The following ZNRF3 variants were observed in gnomAD, a reference collection of about 807,000 sequenced individuals.
ZNRF3 encodes the protein zinc and ring finger 3.
A neutral mutation model predicts 72.5 loss-of-function variants in ZNRF3; 23 were observed. The ratio of observed to expected loss-of-function variants is 0.32; its 90% CI spans 0.23 to 0.45. The LOEUF (loss-of-function observed/expected upper bound fraction) is 0.45. Among genes scored for constraint, ZNRF3 ranks in the 20% least tolerant of loss-of-function variants. The pLI, the probability that ZNRF3 is intolerant of heterozygous loss-of-function variation, is 1.00. For missense variants in ZNRF3, 1,169 were observed against 1,272.1 expected (o/e 0.92, Z 1.23); for synonymous variants, 610 against 545.3 (o/e 1.12, Z -1.65).
chr22:28,963,960 G>A (rs1430312637), intron 1 of ZNRF3, among the ~76,000 whole-genome samples: 1 of 152,108 alleles, frequency 6.6e-6, no homozygotes, highest in African/African-American at 2.4e-5. Flanking sequence ...AAAGAAAGAA[G>A]AAGATCCTGT....
chr22:29,006,051 T>G (rs527367723), intron 2 of ZNRF3, among the ~76,000 whole-genome samples: 4 of 151,358 alleles, frequency 2.6e-5, no homozygotes, highest in African/African-American at 9.7e-5. Context: ...AAAAAAAGAC[T>G]GTCCTCTGAA....
At chr22:28,905,145 C>T (rs1212624226) in intron 1 of ZNRF3, among the ~76,000 whole-genome samples, 1 of 151,972 alleles carries the variant, frequency 6.6e-6, no homozygotes, top group Non-Finnish European at 1.5e-5. Flanking sequence ...CTTTGTTGCC[C>T]AGGTTGATCT....
chr22:29,039,712 C>T (rs776711756), intron 2 of ZNRF3, among the ~76,000 whole-genome samples: 25 of 145,518 alleles, frequency 1.7e-4, no homozygotes, highest in Non-Finnish European at 2.8e-4. Flanking sequence ...TTTGGGAGGC[C>T]GGAATGGGAG....
intron 1 of ZNRF3, among the ~76,000 whole-genome samples, chr22:28,910,256 G>T (rs545216821): frequency 1.3e-5 from 2 of 152,080 alleles, no homozygotes; most frequent in African/African-American, 2.4e-5. Context: ...GACCAGATTG[G>T]TCTCGAACTC....
At chr22:28,977,192 G>C (rs2035690863) in intron 1 of ZNRF3, among the ~76,000 whole-genome samples, 1 of 152,146 alleles carries the variant, frequency 6.6e-6, no homozygotes, top group African/African-American at 2.4e-5. Context: ...GTCCTCAGCC[G>C]AGAGAACTCC....
intron 2 of ZNRF3, chr22:29,018,080 G>A (rs952532218): frequency 1.9e-6 from 1 of 518,574 alleles, no homozygotes; most frequent in Non-Finnish European, 3.9e-6. Context: ...AGTGTGGGAG[G>A]GGAGGGCGGA....
rs140716362 is a variant in ZNRF3, at chr22:29,000,335, G to A, written c.426+13134G>A. ...CCTGTTGCTAGAGGTTTTCACAAAT[G>A]TATCAATTCACAAAAGAACCTCAGA... On this transcript the variant is annotated intron_variant, in intron 2 of 8. Coordinates refer to ENST00000544604, the MANE Select transcript of ZNRF3 (RefSeq NM_001206998.2). Among the ~76,000 whole-genome samples the A allele has an allele frequency of 3.6e-4, 55 of 152,258 alleles. No individual in the cohort carries two copies. In the East Asian group the frequency reaches 8.5e-3, roughly 24 times the overall value.
At chr22:29,043,148 T>C (rs1238886627) in intron 3 of ZNRF3, 151 bp from the exon 4 acceptor site, 1 of 839,292 alleles carries the variant, frequency 1.2e-6, no homozygotes, top group African/African-American at 1.7e-5. Context: ...ATTCTCAGCC[T>C]TGCTCTTCTG....
chr22:28,902,548 T>G (rs2034128626), intron 1 of ZNRF3, among the ~76,000 whole-genome samples: 1 of 152,252 alleles, frequency 6.6e-6, no homozygotes. Context: ...TTTTTGTATT[T>G]TTCACCAGGT....
Position 29,049,941 on chromosome 22 carries a change from G to A in ZNRF3, c.1760G>A (p.Arg587His). 2 of 1,610,686 alleles carry A rather than the reference G, an allele frequency of 1.2e-6. No individual in the cohort carries two copies. The highest frequency in any genetic ancestry group is 1.7e-6 in the Non-Finnish European group (2 of 1,178,942). ...QGVYGSCSTF[R>H]SSLSSDYDPF... ...GTGTACGGGAGCTGCTCCACCTTCCGCAGCTCCCTCAGCAGCGACTATGAC... is the reference window on the plus strand; with the variant it reads ...GTGTACGGGAGCTGCTCCACCTTCCACAGCTCCCTCAGCAGCGACTATGAC... Residue 587 changes from arginine (R) to histidine (H), a missense_variant, in exon 8 of 9, where the codon CGC becomes CAC. Physicochemically the swap from Arg to His is conservative, Grantham distance 29. This residue lies in a region of ZNRF3 where 783 missense variants were observed against 731.4 expected (regional missense o/e 1.07). Coordinates refer to ENST00000544604, the MANE Select transcript of ZNRF3 (RefSeq NM_001206998.2). The surrounding 1 kb of genome is among the most constrained non-coding windows in gnomAD (Gnocchi z 5.2).
In ZNRF3 at chr22:29,048,433, C is replaced by T. The variant is rs752839337; in HGVS notation, c.957C>T (p.Cys319=). Residue 319 remains cysteine (C), a synonymous_variant, in exon 7 of 9, where the codon TGC becomes TGT. Coordinates refer to ENST00000544604, the MANE Select transcript of ZNRF3 (RefSeq NM_001206998.2). The surrounding 1 kb of genome is among the most constrained non-coding windows in gnomAD (Gnocchi z 4.9). ...IPCTHRFHRK[C]VDPWLLQHHT... ...GTACTCACCGGTTTCACAGGAAGTGCGTGGACCCCTGGCTGCTGCAGCACC... is the reference window on the plus strand; with the variant it reads ...GTACTCACCGGTTTCACAGGAAGTGTGTGGACCCCTGGCTGCTGCAGCACC... 1.3e-5 allele frequency: 21 copies of T among 1,614,040 alleles called. No individual in the cohort carries two copies. The highest frequency in any genetic ancestry group is 8.0e-5 in the African/African-American group (6 of 74,924).
intron 1 of ZNRF3, among the ~76,000 whole-genome samples, chr22:28,955,057 T>C (rs2035233893): frequency 6.6e-6 from 1 of 151,336 alleles, no homozygotes. Context: ...TTTTTTTTTT[T>C]TGAGACAAGG....
intron 8 of ZNRF3, 29 bp from the exon 9 acceptor site, chr22:29,053,550 C>G: frequency 6.2e-7 from 1 of 1,612,748 alleles, no homozygotes; most frequent in African/African-American, 1.3e-5. Context: ...CAGCTCCCTC[C>G]CCTGATGATT....
chr22:28,957,916 T>A (rs1381493567), intron 1 of ZNRF3, among the ~76,000 whole-genome samples: 1 of 151,866 alleles, frequency 6.6e-6, no homozygotes, highest in Non-Finnish European at 1.5e-5. Context: ...CTGGGCGCGG[T>A]GGTTCAAGCC....
At chr22:28,915,016 CTT>C (rs756644452) in intron 1 of ZNRF3, among the ~76,000 whole-genome samples, 5 of 152,172 alleles carry the variant, frequency 3.3e-5, no homozygotes, top group Non-Finnish European at 7.4e-5. Flanking sequence ...GAGGCGTTCT[CTT>C]TTTGCAGATG....
intron 2 of ZNRF3, among the ~76,000 whole-genome samples, chr22:29,040,620 G>T (rs556841568): frequency 6.6e-6 from 1 of 152,302 alleles, no homozygotes; most frequent in Admixed American, 6.5e-5. Flanking sequence ...CTGACTCCTA[G>T]CCTAGCAATC....
intron 1 of ZNRF3, among the ~76,000 whole-genome samples, chr22:28,887,803 A>T (rs2033818419): frequency 6.6e-6 from 1 of 152,208 alleles, no homozygotes; most frequent in Non-Finnish European, 1.5e-5. Flanking sequence ...GTTGCTGTTA[A>T]TGAGATCATT....
chr22:28,937,169 C>CTT (rs2034834415), intron 1 of ZNRF3, among the ~76,000 whole-genome samples: 3 of 128,600 alleles, frequency 2.3e-5, no homozygotes, highest in African/African-American at 1.1e-4. Context: ...CTACTTCTCT[C>CTT]TTATAATATA....
At chr22:28,896,173 C>T (rs1233236872) in intron 1 of ZNRF3, among the ~76,000 whole-genome samples, 4 of 151,224 alleles carry the variant, frequency 2.6e-5, no homozygotes, top group East Asian at 1.9e-4. Flanking sequence ...CTCGCTCTGT[C>T]GGCCAGGCTG....
Sources: gnomAD v4.1 joint callset for allele counts (sites outside exome capture counted in the v4.1 genomes callset) on GRCh38, gnomAD v4.1.1 for gene constraint, gnomAD v4.1.1 regional missense constraint, Gnocchi (gnomAD v3.1) non-coding constraint, MANE v1.5 for transcripts, NCBI Gene and HGNC (gene_info 2026-07-23, HGNC 2026-07-21) for gene names.